PDE4D: variants seen among roughly 807,000 people sequenced by gnomAD.
The protein encoded by PDE4D is phosphodiesterase 4D, also known as 3',5'-cyclic-AMP phosphodiesterase 4D.
In PDE4D, 24 loss-of-function variants were observed where a neutral mutation model predicts 87.4. The ratio of observed to expected loss-of-function variants is 0.27; its 90% confidence interval spans 0.20 to 0.39. PDE4D has a LOEUF of 0.39. Among genes scored for constraint, PDE4D ranks in the 10% least tolerant of loss-of-function variants. The pLI, the probability that PDE4D is intolerant of heterozygous loss-of-function variation, is 1.00. For missense variants in PDE4D, 714 were observed against 1,041.0 expected, an observed-to-expected ratio of 0.69 and a Z score of 4.32; for synonymous variants, 384 against 383.2, an observed-to-expected ratio of 1.00 and a Z score of -0.02.
At chr5:59,213,176 T>C (rs1159985086) in intron 2 of PDE4D, among the ~76,000 whole-genome samples, 3 of 149,198 alleles carry the variant, frequency 2.0e-5, no homozygotes, top group African/African-American at 7.6e-5. Context: ...TTTCTTTTTT[T>C]CCAGACACAG....
chr5:59,893,812 G>T, upstream of PDE4D: 1 of 1,330,260 alleles, frequency 7.5e-7, no homozygotes, highest in Non-Finnish European at 9.5e-7. Flanking sequence ...CAGCGGGAGG[G>T]GTCACAGAAC....
intron 1 of PDE4D, among the ~76,000 whole-genome samples, chr5:59,455,939 TG>T (rs1425033278): frequency 6.6e-6 from 1 of 152,244 alleles, no homozygotes. Context: ...CCATTTGGAA[TG>T]GTATTTACCC....
At chr5:59,223,570 T>C (rs781569854) in intron 1 of PDE4D, among the ~76,000 whole-genome samples, 4 of 152,110 alleles carry the variant, frequency 2.6e-5, no homozygotes, top group Non-Finnish European at 5.9e-5. Flanking sequence ...TAATACTAAA[T>C]ATTTTACCCA....
At chr5:59,584,765 G>A (rs541923496) in intron 1 of PDE4D, among the ~76,000 whole-genome samples, 1 of 152,266 alleles carries the variant, frequency 6.6e-6, no homozygotes, top group South Asian at 2.1e-4. Flanking sequence ...TTGCTTTGTA[G>A]CAAGGTACAC....
chr5:59,431,512 A>G (rs1796111266), intron 1 of PDE4D, among the ~76,000 whole-genome samples: 1 of 152,144 alleles, frequency 6.6e-6, no homozygotes, highest in Admixed American at 6.6e-5. Context: ...CAGTGTGCTG[A>G]AAAAGGGCTA....
intron 1 of PDE4D, among the ~76,000 whole-genome samples, chr5:59,329,599 C>CTT (rs1776345617): frequency 6.6e-6 from 1 of 152,236 alleles, no homozygotes; most frequent in Non-Finnish European, 1.5e-5. Context: ...TATCACAATA[C>CTT]TTTAGGTATC....
intron 1 of PDE4D, among the ~76,000 whole-genome samples, chr5:59,382,375 C>A (rs1038503478): frequency 6.6e-6 from 1 of 152,060 alleles, no homozygotes; most frequent in East Asian, 1.9e-4. Context: ...TGATACCATA[C>A]CTCTATTCCA....
chr5:59,770,526 A>G (rs1763332505), intron 1 of PDE4D, among the ~76,000 whole-genome samples: 1 of 152,248 alleles, frequency 6.6e-6, no homozygotes, highest in African/African-American at 2.4e-5. Context: ...CTTTACGAGT[A>G]AAAACTAGAA....
chr5:60,173,333 T>G (rs1783639148), intron 2 of PDE4D, among the ~76,000 whole-genome samples: 1 of 152,026 alleles, frequency 6.6e-6, no homozygotes, highest in Non-Finnish European at 1.5e-5. Context: ...TAAGTTTTTA[T>G]AAAGGAAAAA....
At chr5:59,931,749 T>A (rs1260291171) in intron 3 of PDE4D, among the ~76,000 whole-genome samples, 1 of 145,134 alleles carries the variant, frequency 6.9e-6, no homozygotes. Flanking sequence ...TCGCCCAGGC[T>A]GGAGTGCAGT....
At chr5:59,126,858 A>G (rs1775478850) in intron 5 of PDE4D, among the ~76,000 whole-genome samples, 1 of 152,228 alleles carries the variant, frequency 6.6e-6, no homozygotes, top group African/African-American at 2.4e-5. Flanking sequence ...TACAGCTGAT[A>G]TCATCAGTTC....
At chr5:59,440,122 C>T (rs1797376764) in intron 1 of PDE4D, among the ~76,000 whole-genome samples, 1 of 152,090 alleles carries the variant, frequency 6.6e-6, no homozygotes, top group South Asian at 2.1e-4. Flanking sequence ...TCTTGATAGA[C>T]TATTGCTACG....
intron 2 of PDE4D, among the ~76,000 whole-genome samples, chr5:60,144,812 A>G (rs1780858158): frequency 6.6e-6 from 1 of 152,226 alleles, no homozygotes; most frequent in Non-Finnish European, 1.5e-5. Context: ...ACAACATGGC[A>G]CCAATTGCCA....
chr5:59,743,889 T>C (rs1375743058), intron 1 of PDE4D, among the ~76,000 whole-genome samples: 1 of 152,086 alleles, frequency 6.6e-6, no homozygotes, highest in African/African-American at 2.4e-5. Flanking sequence ...GAGTACTATG[T>C]AACAATGAAG....
chr5:59,117,827 G>A (rs1039507609), intron 5 of PDE4D, among the ~76,000 whole-genome samples: 2 of 147,386 alleles, frequency 1.4e-5, no homozygotes, highest in African/African-American at 5.0e-5. Flanking sequence ...TTTTTTGTGA[G>A]GGGTGGTGGG....
intron 1 of PDE4D, among the ~76,000 whole-genome samples, chr5:60,520,465 G>A (rs1021941255): frequency 2.0e-4 from 31 of 152,326 alleles, no homozygotes; most frequent in Admixed American, 1.8e-3. Flanking sequence ...GGAGACTTCT[G>A]TTGGCCATGC....
intron 5 of PDE4D, among the ~76,000 whole-genome samples, chr5:59,089,725 C>T (rs1158096755): frequency 2.0e-5 from 3 of 152,052 alleles, no homozygotes; most frequent in African/African-American, 7.2e-5. Flanking sequence ...TTAAATTAGC[C>T]ATATAATAGT....
At chr5:60,314,523 A>G (rs1755360045) in intron 1 of PDE4D, among the ~76,000 whole-genome samples, 1 of 152,062 alleles carries the variant, frequency 6.6e-6, no homozygotes, top group African/African-American at 2.4e-5. Context: ...TTTAGGGTAC[A>G]TGTGCACAAC....
chr5:60,240,261 G>A (rs534682917), intron 1 of PDE4D, among the ~76,000 whole-genome samples: 3 of 152,008 alleles, frequency 2.0e-5, no homozygotes, highest in South Asian at 2.1e-4. Context: ...CCCACTGATT[G>A]TCCCCCCACC....
Sources: gnomAD v4.1 joint callset for allele counts (sites outside exome capture counted in the v4.1 genomes callset) on GRCh38, gnomAD v4.1.1 for gene constraint, MANE v1.5 for transcripts, NCBI Gene and HGNC (gene_info 2026-07-23, HGNC 2026-07-21) for gene names.